The following EPC1 variants were observed in gnomAD, a reference collection of about 807,000 sequenced individuals.
EPC1 encodes enhancer of polycomb homolog 1.
A neutral mutation model predicts 98.4 loss-of-function variants in EPC1; 12 were observed. That is an observed-to-expected ratio of 0.12 (90% confidence interval 0.08 to 0.20). The LOEUF (loss-of-function observed/expected upper bound fraction) is 0.20. EPC1 is among the 10% of genes least tolerant of loss of function. The pLI, the probability that EPC1 is intolerant of heterozygous loss-of-function variation, is 1.00. For missense variants in EPC1, 729 were observed against 990.5 expected (o/e 0.74, Z 3.54); for synonymous variants, 357 against 363.9 (o/e 0.98, Z 0.21).
At chr10:32,347,288 ACCCGCCGGCCT>A (rs1423747932), upstream of EPC1, 4 of 881,736 alleles carry the variant, frequency 4.5e-6, no homozygotes, top group Non-Finnish European at 5.7e-6. Context: ...AACCCCCGGC[ACCCGCCGGCCT>A]CGCTTCCCGC....
At chr10:32,323,253 A>C (rs1837044185) in intron 1 of EPC1, among the ~76,000 whole-genome samples, 1 of 152,168 alleles carries the variant, frequency 6.6e-6, no homozygotes, top group Admixed American at 6.6e-5. Context: ...CCAAAACCAC[A>C]AAATCCCCCC....
intron 1 of EPC1, among the ~76,000 whole-genome samples, chr10:32,329,378 A>G (rs1038020058): frequency 6.6e-6 from 1 of 152,238 alleles, no homozygotes; most frequent in Non-Finnish European, 1.5e-5. Flanking sequence ...ACTTTGTTGC[A>G]AAGCCACTAA....
chr10:32,283,692 A>G (rs1481103247), intron 10 of EPC1: 1 of 152,216 alleles, frequency 6.6e-6, no homozygotes, highest in Non-Finnish European at 1.5e-5. Flanking sequence ...CAAAACATGT[A>G]TGTTTGGACT....
In EPC1 at chr10:32,285,314, G is replaced by A. The variant is rs370553665; in HGVS notation, c.1392-264C>T. ...AAATGAATGCTTTATAAAATGTTGC[G>A]AACACATTTATTCTATATTTAAGCA... is the stretch of plus-strand genomic sequence containing the variant. On this transcript the variant is annotated intron_variant, in intron 9 of 13. Transcript: ENST00000319778. The A allele has an allele frequency of 1.6e-4, 61 of 370,678 alleles. No homozygotes were observed. The East Asian group carries it at 2.2e-3, about 13-fold the overall frequency. 23.0% of individuals were successfully genotyped at this position (370,678 alleles called of 1,614,324 possible). A position where few individuals can be genotyped will look rare whatever the true frequency, so the allele number is the denominator to read the frequency against.
intron 1 of EPC1, among the ~76,000 whole-genome samples, chr10:32,352,450 A>G (rs752492490): frequency 2.2e-4 from 34 of 152,278 alleles, no homozygotes; most frequent in Non-Finnish European, 4.4e-4. Flanking sequence ...AAAACAAACC[A>G]TGTAAAGCAC....
chr10:32,335,926 A>C (rs1837932819), intron 1 of EPC1, among the ~76,000 whole-genome samples: 1 of 152,014 alleles, frequency 6.6e-6, no homozygotes, highest in Admixed American at 6.6e-5. Flanking sequence ...AGCACTCCCA[A>C]TGTAACAAAT....
intron 6 of EPC1, among the ~76,000 whole-genome samples, chr10:32,289,510 AATAAAAAAAAAACCTG>A (rs1836880378): frequency 1.3e-5 from 2 of 152,110 alleles, no homozygotes; most frequent in African/African-American, 4.8e-5. Flanking sequence ...TGTTTACCAC[AATAAAAAAAAAACCTG>A]AGTGAGCATG....
chr10:32,292,933 A>C (rs1028586599), intron 4 of EPC1, 55 bp downstream of exon 4: 2 of 1,166,308 alleles, frequency 1.7e-6, no homozygotes, highest in East Asian at 2.7e-5. Context: ...GACAGTCATA[A>C]CTATAAATAA....
chr10:32,271,141 G>A (rs919466497), intron 13 of EPC1, among the ~76,000 whole-genome samples: 4 of 151,936 alleles, frequency 2.6e-5, no homozygotes, highest in Non-Finnish European at 5.9e-5. Flanking sequence ...ACAGGCATGC[G>A]CCACCATGCC....
intron 10 of EPC1, among the ~76,000 whole-genome samples, chr10:32,279,229 G>A (rs1175711254): frequency 6.6e-6 from 1 of 151,826 alleles, no homozygotes; most frequent in Non-Finnish European, 1.5e-5. Flanking sequence ...CGCACCTGTA[G>A]TCCCAGCTAC....
intron 9 of EPC1, 164 bp downstream of exon 9, chr10:32,286,530 G>A (rs1836687308): frequency 1.3e-6 from 1 of 795,060 alleles, no homozygotes; most frequent in African/African-American, 1.7e-5. Context: ...GGATGTGTAA[G>A]AACCAGGCAG....
intron 2 of EPC1, among the ~76,000 whole-genome samples, chr10:32,297,446 C>T (rs915929309): frequency 2.6e-5 from 4 of 151,850 alleles, no homozygotes; most frequent in South Asian, 2.1e-4. Context: ...CCACCACGCC[C>T]GGCAAATTTT....
chr10:32,357,142 C>T (rs1839303018), intron 1 of EPC1, among the ~76,000 whole-genome samples: 1 of 152,182 alleles, frequency 6.6e-6, no homozygotes, highest in Admixed American at 6.5e-5. Flanking sequence ...GAGTAGCTAT[C>T]ATCCTCAGCG....
At chr10:32,357,571 CT>C (rs1464234435) in intron 1 of EPC1, among the ~76,000 whole-genome samples, 5 of 152,252 alleles carry the variant, frequency 3.3e-5, no homozygotes, top group African/African-American at 7.2e-5. Context: ...AGTGATCCTT[CT>C]GCCTCAGCCT....
chr10:32,271,487 G>T, intron 13 of EPC1, 67 bp downstream of exon 13: 1 of 1,505,606 alleles, frequency 6.6e-7, no homozygotes, highest in African/African-American at 1.4e-5. Context: ...AATAGGTAAA[G>T]AACGATGCTG....
chr10:32,338,216 CT>C (rs1357696288), intron 1 of EPC1, among the ~76,000 whole-genome samples: 1 of 152,210 alleles, frequency 6.6e-6, no homozygotes, highest in African/African-American at 2.4e-5. Context: ...ATCTATCCAG[CT>C]GCTCAACTTG....
At chr10:32,326,215 C>G (rs1837266725) in intron 1 of EPC1, among the ~76,000 whole-genome samples, 1 of 152,136 alleles carries the variant, frequency 6.6e-6, no homozygotes, top group Non-Finnish European at 1.5e-5. Context: ...AGTTGTTCAT[C>G]AAAATTTCTG....
chr10:32,346,930 A>G lies in EPC1; in HGVS notation c.-15T>C. ...AGTTTACTCATCTCAGGCGCAGCAG[A>G]TACCTCTCCGCTCTGGGGAAACGGC... On this transcript the variant is annotated 5_prime_UTR_variant, in exon 1 of 14. Coordinates refer to ENST00000319778, the MANE Select transcript of EPC1 (RefSeq NM_001272004.3). The G allele has an allele frequency of 2.5e-6, 4 of 1,612,178 alleles. No homozygotes were observed. Among genetic ancestry groups the G allele is most frequent in the South Asian group, 1.1e-5 (1 of 91,084 alleles).
intron 1 of EPC1, among the ~76,000 whole-genome samples, chr10:32,319,946 T>C (rs1836793092): frequency 6.6e-6 from 1 of 152,170 alleles, no homozygotes; most frequent in Non-Finnish European, 1.5e-5. Context: ...CCCAAAGTGC[T>C]GGGATTACAG....
Sources: gnomAD v4.1 joint callset for allele counts (sites outside exome capture counted in the v4.1 genomes callset) on GRCh38, gnomAD v4.1.1 for gene constraint, MANE v1.5 for transcripts, NCBI Gene and HGNC (gene_info 2026-07-23, HGNC 2026-07-21) for gene names.